The following PAX5 variants were observed in gnomAD, a reference collection of about 807,000 sequenced individuals.
The protein encoded by PAX5 is paired box 5.
A neutral mutation model predicts 43.7 loss-of-function variants in PAX5; 9 were observed. The ratio of observed to expected loss-of-function variants is 0.21; its 90% CI spans 0.12 to 0.36. The LOEUF is 0.36. Ranked by LOEUF, PAX5 falls within the 10% of genes least tolerant of loss-of-function variation. The pLI is 1.00. For synonymous variants in PAX5, 228 were observed against 214.3 expected (o/e 1.06, Z -0.56); for missense variants, 383 against 532.7 (o/e 0.72, Z 2.77).
intron 6 of PAX5, among the ~76,000 whole-genome samples, chr9:36,940,407 G>A (rs571206736): frequency 8.5e-5 from 13 of 152,254 alleles, no homozygotes; most frequent in Admixed American, 7.2e-4. Context: ...ACGTCTGCAC[G>A]CCTCTTGTGG....
intron 6 of PAX5, among the ~76,000 whole-genome samples, chr9:36,927,962 G>A (rs1319816094): frequency 1.3e-5 from 2 of 152,046 alleles, no homozygotes. Context: ...CACCTGCCTC[G>A]GCCTCCCAAA....
intron 6 of PAX5, among the ~76,000 whole-genome samples, chr9:36,959,977 T>C (rs1588085434): frequency 6.6e-6 from 1 of 152,224 alleles, no homozygotes; most frequent in African/African-American, 2.4e-5. Context: ...AGTAAGAGTC[T>C]TTTCAGAACA....
intron 7 of PAX5, among the ~76,000 whole-genome samples, chr9:36,920,394 A>G (rs7860454): frequency 0.33 from 50,378 of 151,988 alleles, 8,507 homozygotes; most frequent in South Asian, 0.43. Flanking sequence ...AGCCACCCCA[A>G]TCTTCAGCAA....
At chr9:36,903,904 C>T (rs1828602617) in intron 7 of PAX5, among the ~76,000 whole-genome samples, 1 of 152,220 alleles carries the variant, frequency 6.6e-6, no homozygotes, top group Non-Finnish European at 1.5e-5. Context: ...CACTTCCAGG[C>T]TGCCATGACT....
chr9:36,971,259 G>A (rs1409336399), intron 5 of PAX5, among the ~76,000 whole-genome samples: 1 of 152,254 alleles, frequency 6.6e-6, no homozygotes, highest in Admixed American at 6.5e-5. Context: ...ATGGTCTTAA[G>A]AGGGGACCCT....
intron 1 of PAX5, among the ~76,000 whole-genome samples, chr9:37,033,599 T>TAC (rs56039556): frequency 0.4 from 59,927 of 149,082 alleles, 11,678 homozygotes; most frequent in Admixed American, 0.44. Context: ...AGTATAAAGA[T>TAC]ACACACACAC....
chr9:36,985,099 C>T (rs1836279805), intron 5 of PAX5, among the ~76,000 whole-genome samples: 1 of 152,248 alleles, frequency 6.6e-6, no homozygotes. Context: ...TAGACCCATT[C>T]CACTGCATCA....
At chr9:37,009,320 A>G (rs1838737546) in intron 3 of PAX5, among the ~76,000 whole-genome samples, 1 of 152,172 alleles carries the variant, frequency 6.6e-6, no homozygotes. Context: ...TAACCTCTCT[A>G]TGCCTCAGTC....
Position 36,836,636 on chromosome 9 carries a change from G to A in PAX5, c.*3924C>T, listed in dbSNP as rs1821662764. 2 of 232,712 alleles carry A rather than the reference G, an allele frequency of 8.6e-6. No individual in the cohort carries two copies. The highest frequency in any genetic ancestry group is 1.2e-3 in the Middle Eastern group (1 of 812). The allele number at this position is 232,712 out of a possible 1,614,324, so 14.4% of individuals were successfully genotyped here. A position where few individuals can be genotyped will look rare whatever the true frequency, so the allele number is the denominator to read the frequency against. ...CCGAGTGGCAAGGCTACACCACCCC[G>A]TTCACCCAGGAAGCAGTTCATTCAG... On this transcript the variant is annotated 3_prime_UTR_variant, in exon 10 of 10. Coordinates refer to ENST00000358127, the MANE Select transcript of PAX5 (RefSeq NM_016734.3).
chr9:37,027,128 A>G (rs965350216), intron 1 of PAX5, among the ~76,000 whole-genome samples: 1 of 152,122 alleles, frequency 6.6e-6, no homozygotes, highest in South Asian at 2.1e-4. Flanking sequence ...TGGGGCTCGG[A>G]CTTGCCCCCT....
chr9:36,939,079 C>T (rs1479279392), intron 6 of PAX5, among the ~76,000 whole-genome samples: 1 of 152,204 alleles, frequency 6.6e-6, no homozygotes, highest in East Asian at 1.9e-4. Context: ...TGACAAGCAG[C>T]GGCCCCTTCC....
At chr9:36,946,894 T>C (rs1832570605) in intron 6 of PAX5, among the ~76,000 whole-genome samples, 1 of 152,094 alleles carries the variant, frequency 6.6e-6, no homozygotes, top group Non-Finnish European at 1.5e-5. Flanking sequence ...CAGTGTAAAA[T>C]GATGACTCAG....
At chr9:36,866,301 A>C (rs1563910122) in intron 8 of PAX5, among the ~76,000 whole-genome samples, 1 of 152,168 alleles carries the variant, frequency 6.6e-6, no homozygotes, top group Non-Finnish European at 1.5e-5. Flanking sequence ...TTCCAGAGGG[A>C]AACTGAACCC....
intron 8 of PAX5, among the ~76,000 whole-genome samples, chr9:36,881,754 G>A (rs1826435607): frequency 6.6e-6 from 1 of 152,086 alleles, no homozygotes; most frequent in African/African-American, 2.4e-5. Context: ...GACTCTGTAC[G>A]TGGCCAACAA....
At position 36,846,945 on chromosome 9, in the gene PAX5, G is replaced by A. The variant is rs1380619177; in HGVS notation, c.1013-16C>T. 3 of 1,580,118 alleles carry A rather than the reference G, an allele frequency of 1.9e-6. No individual in the cohort carries two copies. Among genetic ancestry groups the A allele is most frequent in the African/African-American group, 2.7e-5 (2 of 74,278 alleles). On this transcript the variant is annotated splice_polypyrimidine_tract_variant and intron_variant, in intron 8 of 9. Coordinates refer to ENST00000358127, the MANE Select transcript of PAX5 (RefSeq NM_016734.3). ...AACTCACTCCCTGTGTATGGTGGGT[G>A]GAGAGAGAAACAGGAACCAAACGTC...
Position 36,839,126 on chromosome 9 carries a change from C to T in PAX5, c.*1434G>A, listed in dbSNP as rs761974797. 4.3e-6 allele frequency: 1 copy of T among 233,570 alleles called. No homozygotes were observed. 14.5% of individuals were successfully genotyped at this position (233,570 alleles called of 1,614,324 possible). A position where few individuals can be genotyped will look rare whatever the true frequency, so the allele number is the denominator to read the frequency against. On this transcript the variant is annotated 3_prime_UTR_variant, in exon 10 of 10. Transcript: ENST00000358127. Reference sequence around the variant, plus strand: ...TAAAGAGATGATGGCACCTGGCACCCCCATGTCAAAATCACTCCCAGGTCA... The same window carrying T: ...TAAAGAGATGATGGCACCTGGCACCTCCATGTCAAAATCACTCCCAGGTCA...
rs1564026842 is a variant in PAX5, at chr9:36,973,140, G to GAAAGGAAAGGAAAGGAAAGA, written c.605-6417_605-6416insTCTTTCCTTTCCTTTCCTTT. Reference sequence around the variant, plus strand: ...GAAAGGAAAGGAAAGGAAAGAAAAGGAAAGGAAAGGAAAGGAAAGGAAAGG... The same window carrying GAAAGGAAAGGAAAGGAAAGA: ...GAAAGGAAAGGAAAGGAAAGAAAAGGAAAGGAAAGGAAAGGAAAGAAAAGGAAAGGAAAGGAAAGGAAAGG... On this transcript the variant is annotated intron_variant, in intron 5 of 9. Coordinates refer to ENST00000358127, the MANE Select transcript of PAX5 (RefSeq NM_016734.3). 5.7e-5 allele frequency among the ~76,000 whole-genome samples: 4 copies of GAAAGGAAAGGAAAGGAAAGA among 69,648 alleles called. No individual in the cohort carries two copies. The East Asian group carries it at 2.8e-3, about 49-fold the overall frequency. 45.7% of individuals were successfully genotyped at this position (69,648 alleles called of 152,430 possible).
intron 6 of PAX5, among the ~76,000 whole-genome samples, chr9:36,955,314 C>T (rs1777297946): frequency 6.6e-6 from 1 of 152,160 alleles, no homozygotes; most frequent in Non-Finnish European, 1.5e-5. Flanking sequence ...GTTGTACATA[C>T]TAAATTGTGG....
intron 9 of PAX5, among the ~76,000 whole-genome samples, chr9:36,845,481 A>T (rs1307102048): frequency 6.6e-6 from 1 of 152,242 alleles, no homozygotes; most frequent in Non-Finnish European, 1.5e-5. Flanking sequence ...CTGAGAAGAG[A>T]TCAATCTGCA....
Sources: allele counts gnomAD v4.1 joint callset (sites outside exome capture counted in the v4.1 genomes callset), GRCh38; gene constraint gnomAD v4.1.1; transcripts MANE v1.5; gene names NCBI Gene and HGNC (gene_info 2026-07-23, HGNC 2026-07-21).